The following ZC3H15 variants were observed in gnomAD, a reference collection of about 807,000 sequenced individuals.
ZC3H15 encodes the protein zinc finger CCCH domain-containing protein 15.
A neutral mutation model predicts 51.2 loss-of-function variants in ZC3H15; 15 were observed. The ratio of observed to expected loss-of-function variants is 0.29; its 90% CI spans 0.20 to 0.45. ZC3H15 has a LOEUF of 0.45. Among genes scored for constraint, ZC3H15 ranks in the 20% least tolerant of loss-of-function variants. The pLI is 1.00. For missense variants in ZC3H15, 381 were observed against 494.7 expected (o/e 0.77, Z 2.18); for synonymous variants, 144 against 162.8 (o/e 0.88, Z 0.88).
intron 2 of ZC3H15, chr2:186,499,659 T>C (rs138719817): frequency 2.0e-5 from 9 of 442,486 alleles, no homozygotes; most frequent in Middle Eastern, 3.4e-4. Flanking sequence ...TCTAATCATA[T>C]TAGGTATGTA....
chr2:186,499,414 G>A (rs1685340663), intron 2 of ZC3H15, among the ~76,000 whole-genome samples: 1 of 152,074 alleles, frequency 6.6e-6, no homozygotes, highest in Non-Finnish European at 1.5e-5. Flanking sequence ...GGCTCTTTCT[G>A]TATTTCTTTT....
chr2:186,501,553 TTA>T, intron 4 of ZC3H15, 128 bp downstream of exon 4: 1 of 770,326 alleles, frequency 1.3e-6, no homozygotes, highest in Non-Finnish European at 1.9e-6. Flanking sequence ...TTAATTGGGT[TTA>T]TTATTTTTTA....
rs1353441303 is a variant in ZC3H15, at chr2:186,504,226, C to T, written c.717+12C>T. ...TAATTGAGAGAGAGGTAACTGGTAT[C>T]CTTTTCCTACCATAAAAACTGAAAG... On this transcript the variant is annotated intron_variant, in intron 6 of 9. Coordinates refer to ENST00000337859, the MANE Select transcript of ZC3H15 (RefSeq NM_018471.3). 2 of 1,541,862 alleles carry T rather than the reference C, an allele frequency of 1.3e-6. No homozygotes were observed. The highest frequency in any genetic ancestry group is 2.3e-5 in the East Asian group (1 of 42,818).
intron 1 of ZC3H15, among the ~76,000 whole-genome samples, chr2:186,492,590 T>G (rs1392030264): frequency 1.3e-5 from 2 of 152,238 alleles, no homozygotes; most frequent in Non-Finnish European, 2.9e-5. Context: ...CAATGAGAGA[T>G]AACCATTTAG....
At chr2:186,508,483 G>T in intron 9 of ZC3H15, 60 bp from the exon 10 acceptor site, 1 of 1,465,112 alleles carries the variant, frequency 6.8e-7, no homozygotes, top group South Asian at 1.2e-5. Context: ...GTTGTCTATT[G>T]CTAATGTGGA....
intron 5 of ZC3H15, among the ~76,000 whole-genome samples, 173 bp downstream of exon 5, chr2:186,502,760 A>T (rs565158356): frequency 6.6e-6 from 1 of 152,294 alleles, no homozygotes; most frequent in African/African-American, 2.4e-5. Context: ...GTTAGATTTT[A>T]TAGATTCTTG....
intron 9 of ZC3H15, among the ~76,000 whole-genome samples, chr2:186,507,961 T>A (rs1685493556): frequency 6.6e-6 from 1 of 152,198 alleles, no homozygotes; most frequent in African/African-American, 2.4e-5. Flanking sequence ...AAAATGTCTG[T>A]GTAATTGTCA....
Position 186,508,881 on chromosome 2 carries a change from CCTACATCTTCTCTTCTGACTTTGG to C in ZC3H15, c.*157_*180del, listed in dbSNP as rs749615348. The C allele has an allele frequency of 4.9e-5, 38 of 772,418 alleles. No individual in the cohort carries two copies. Among genetic ancestry groups the C allele is most frequent in the Non-Finnish European group, 6.3e-5 (30 of 479,408 alleles). The allele number at this position is 772,418 out of a possible 1,614,324, so 47.8% of individuals were successfully genotyped here. ...CCTCCTGCAAAAAAGGCATCTTGTC[CCTACATCTTCTCTTCTGACTTTGG>C]CTACATCTCATAGTAAGTTCAGAGT... is the stretch of plus-strand genomic sequence containing the variant. On this transcript the variant is annotated 3_prime_UTR_variant, in exon 10 of 10. Coordinates refer to ENST00000337859, the MANE Select transcript of ZC3H15 (RefSeq NM_018471.3).
intron 3 of ZC3H15, chr2:186,500,532 TTTAATAGAC>T: frequency 1.6e-6 from 1 of 623,656 alleles, no homozygotes; most frequent in South Asian, 1.5e-5. Context: ...AAATTAGTAA[TTTAATAGAC>T]TGCTAATTGA....
chr2:186,497,898 A>G (rs891972131), intron 2 of ZC3H15, among the ~76,000 whole-genome samples: 2 of 152,184 alleles, frequency 1.3e-5, no homozygotes, highest in African/African-American at 4.8e-5. Context: ...ATCGGAAATG[A>G]GCAGTAGTGC....
chr2:186,508,788 T>A lies in ZC3H15; in HGVS notation c.*55T>A. 6.5e-7 allele frequency: 1 copy of A among 1,540,388 alleles called. No individual in the cohort carries two copies. The highest frequency in any genetic ancestry group is 8.9e-7 in the Non-Finnish European group (1 of 1,121,706). On this transcript the variant is annotated 3_prime_UTR_variant, in exon 10 of 10. Transcript: ENST00000337859. ...CAGCTCAGCACGAGTTGAAATTGAC[T>A]ACATTAATTTCTTTCCACCTAGAAT...
At chr2:186,506,321 A>G (rs1685466738) in intron 8 of ZC3H15, among the ~76,000 whole-genome samples, 2 of 152,246 alleles carry the variant, frequency 1.3e-5, no homozygotes, top group Non-Finnish European at 2.9e-5. Flanking sequence ...TGTACTTACA[A>G]AATTCTGGCC....
rs1249353033 is a variant in ZC3H15, at chr2:186,501,122, G to T, written c.290-151G>T. On this transcript the variant is annotated intron_variant, in intron 3 of 9. Transcript: ENST00000337859. Reference sequence around the variant, plus strand: ...TAAATGCTACAAAAAGAACTTTAAAGAAATGTCTTGCTAATCACCCATAAG... The same window carrying T: ...TAAATGCTACAAAAAGAACTTTAAATAAATGTCTTGCTAATCACCCATAAG... The T allele has an allele frequency of 5.9e-6, 4 of 680,944 alleles. No homozygotes were observed. In the East Asian group the frequency reaches 1.1e-4, roughly 19 times the overall value. The allele number at this position is 680,944 out of a possible 1,614,324, so 42.2% of individuals were successfully genotyped here. A position where few individuals can be genotyped will look rare whatever the true frequency, so the allele number is the denominator to read the frequency against.
chr2:186,486,352 G>GT lies in ZC3H15; in HGVS notation c.-30dup, dbSNP rs776170239. The GT allele has an allele frequency of 1.2e-5, 19 of 1,522,674 alleles. No homozygotes were observed. Among genetic ancestry groups the GT allele is most frequent in the Non-Finnish European group, 1.7e-5 (19 of 1,130,284 alleles). The allele number at this position is 1,522,674 out of a possible 1,614,324, so 94.3% of individuals were successfully genotyped here. The stretch of plus-strand genomic sequence containing the variant: ...AACCCCTGACGGTATTCAGCTGCGC[G>GT]TAAGTCTGGCCGGTGCCATCTGTCT... On this transcript the variant is annotated 5_prime_UTR_variant, in exon 1 of 10. Transcript: ENST00000337859.
chr2:186,506,353 T>G (rs1022858132), intron 8 of ZC3H15, among the ~76,000 whole-genome samples: 1 of 152,212 alleles, frequency 6.6e-6, no homozygotes, highest in Non-Finnish European at 1.5e-5. Context: ...AGAAAAAAAT[T>G]GTACTCTATA....
In ZC3H15 at chr2:186,486,288, G is replaced by A. The variant is rs1390406494; in HGVS notation, c.-95G>A. The stretch of plus-strand genomic sequence containing the variant: ...TCGCTTTCCGTGCGGTGCGGCGAGT[G>A]AGGCCCCGGTCTTCCTCCTCGTCCT... On this transcript the variant is annotated 5_prime_UTR_variant, in exon 1 of 10. Coordinates refer to ENST00000337859, the MANE Select transcript of ZC3H15 (RefSeq NM_018471.3). The A allele has an allele frequency of 1.5e-6, 2 of 1,306,138 alleles. No individual in the cohort carries two copies. Among genetic ancestry groups the A allele is most frequent in the African/African-American group, 3.1e-5 (2 of 65,490 alleles). The allele number at this position is 1,306,138 out of a possible 1,614,324, so 80.9% of individuals were successfully genotyped here. A position where few individuals can be genotyped will look rare whatever the true frequency, so the allele number is the denominator to read the frequency against.
At chr2:186,499,894 A>T (rs1339541246) in intron 2 of ZC3H15, among the ~76,000 whole-genome samples, 1 of 152,206 alleles carries the variant, frequency 6.6e-6, no homozygotes, top group Admixed American at 6.5e-5. Flanking sequence ...TCACAGAAGA[A>T]TATTGCAGGT....
intron 9 of ZC3H15, among the ~76,000 whole-genome samples, chr2:186,507,946 G>C (rs568472765): frequency 1.1e-4 from 17 of 152,240 alleles, no homozygotes; most frequent in Non-Finnish European, 2.4e-4. Flanking sequence ...AAATTAGGCT[G>C]TTAAAAAATG....
chr2:186,508,799 C>A lies in ZC3H15; in HGVS notation c.*66C>A. 6.6e-7 allele frequency: 1 copy of A among 1,521,560 alleles called. No individual in the cohort carries two copies. Among genetic ancestry groups the A allele is most frequent in the African/African-American group, 1.4e-5 (1 of 72,464 alleles). The allele number at this position is 1,521,560 out of a possible 1,614,324, so 94.3% of individuals were successfully genotyped here. Reference sequence around the variant, plus strand: ...GAGTTGAAATTGACTACATTAATTTCTTTCCACCTAGAATCAACAGGATGT... The same window carrying A: ...GAGTTGAAATTGACTACATTAATTTATTTCCACCTAGAATCAACAGGATGT... On this transcript the variant is annotated 3_prime_UTR_variant, in exon 10 of 10. Transcript: ENST00000337859.
Sources: gnomAD v4.1 joint callset for allele counts (sites outside exome capture counted in the v4.1 genomes callset) on GRCh38, gnomAD v4.1.1 for gene constraint, MANE v1.5 for transcripts, NCBI Gene and HGNC (gene_info 2026-07-23, HGNC 2026-07-21) for gene names.